The following MSMB variants were observed in gnomAD, a reference collection of about 807,000 sequenced individuals.
The protein encoded by MSMB is microseminoprotein beta.
Under a neutral mutation model 10.5 loss-of-function variants are expected in MSMB, and 10 were observed. That is an observed-to-expected ratio of 0.95 (90% CI 0.59 to 1.62). The LOEUF is 1.62. Ranked by LOEUF, MSMB falls within the 40% of genes most tolerant of loss-of-function variation. MSMB has a pLI of 0.00. For synonymous variants in MSMB, 43 were observed against 46.5 expected (o/e 0.93, Z 0.30); for missense variants, 126 against 137.4 (o/e 0.92, Z 0.42).
chr10:46,043,607 C>A (rs1177385131), intron 1 of MSMB, among the ~76,000 whole-genome samples: 2 of 152,106 alleles, frequency 1.3e-5, no homozygotes, highest in African/African-American at 4.8e-5. Context: ...GGAACAATGA[C>A]CAACCCAGTG....
intron 1 of MSMB, among the ~76,000 whole-genome samples, chr10:46,045,016 T>C (rs1013843189): frequency 6.6e-6 from 1 of 152,026 alleles, no homozygotes; most frequent in Non-Finnish European, 1.5e-5. Context: ...GAGAGCAAGT[T>C]TGTCTTGCCG....
intron 1 of MSMB, among the ~76,000 whole-genome samples, chr10:46,045,544 A>T (rs1840875805): frequency 1.3e-5 from 2 of 152,238 alleles, no homozygotes; most frequent in South Asian, 4.2e-4. Context: ...AAAACAAACA[A>T]ATAAACCAAC....
chr10:46,036,011 G>A (rs1215390594), intron 3 of MSMB, among the ~76,000 whole-genome samples: 1 of 151,996 alleles, frequency 6.6e-6, no homozygotes, highest in Non-Finnish European at 1.5e-5. Context: ...GGAAACAGCA[G>A]AGAGAGAGAG....
At chr10:46,033,579 T>C in intron 3 of MSMB, 28 bp from the exon 4 acceptor site, 1 of 1,611,118 alleles carries the variant, frequency 6.2e-7, no homozygotes, top group South Asian at 1.1e-5. Flanking sequence ...CTGGGGCCTG[T>C]TAGAAGAGAA....
At chr10:46,036,883 T>G (rs1210921911) in intron 3 of MSMB, among the ~76,000 whole-genome samples, 2 of 152,238 alleles carry the variant, frequency 1.3e-5, no homozygotes, top group African/African-American at 4.8e-5. Context: ...GTCCTTCACC[T>G]GGCTGGGATA....
At chr10:46,038,490 G>A (rs113427870) in intron 3 of MSMB, among the ~76,000 whole-genome samples, 7,326 of 151,998 alleles carry the variant, frequency 0.048, 570 homozygotes, top group African/African-American at 0.17. Context: ...GGGGTTTCAC[G>A]TGTTAGCTAG....
At chr10:46,036,822 T>C (rs1184855251) in intron 3 of MSMB, among the ~76,000 whole-genome samples, 1 of 152,120 alleles carries the variant, frequency 6.6e-6, no homozygotes, top group East Asian at 1.9e-4. Context: ...GACATGGACA[T>C]TTTAGCCACC....
intron 1 of MSMB, 52 bp downstream of exon 1, chr10:46,046,183 T>C: frequency 6.4e-7 from 1 of 1,560,358 alleles, no homozygotes; most frequent in East Asian, 2.2e-5. Flanking sequence ...AAAATAGGAA[T>C]ACATATTCTC....
chr10:46,045,966 C>T (rs781925778), intron 1 of MSMB, among the ~76,000 whole-genome samples: 7 of 152,158 alleles, frequency 4.6e-5, no homozygotes, highest in Non-Finnish European at 7.4e-5. Flanking sequence ...GAATTAGAGA[C>T]ACTTATGAAA....
intron 1 of MSMB, among the ~76,000 whole-genome samples, chr10:46,042,818 A>C (rs1840782994): frequency 6.6e-6 from 1 of 152,226 alleles, no homozygotes; most frequent in Non-Finnish European, 1.5e-5. Context: ...CTCAGAACAC[A>C]CTGAGGGTTT....
chr10:46,043,663 TTTTG>T (rs1554928939), intron 1 of MSMB, among the ~76,000 whole-genome samples: 2 of 151,964 alleles, frequency 1.3e-5, no homozygotes, highest in Non-Finnish European at 2.9e-5. Flanking sequence ...TTTTGTTTTG[TTTTG>T]TTTGTCTGTT....
Position 46,039,078 on chromosome 10 carries a change from T to G in MSMB, c.110-7A>C, listed in dbSNP as rs782724236. On this transcript the variant is annotated splice_polypyrimidine_tract_variant and splice_region_variant and intron_variant, in intron 2 of 3. Coordinates refer to ENST00000582163, the MANE Select transcript of MSMB (RefSeq NM_002443.4). ...CCTTTGAGATCCATGCATTCTAAAA[T>G]AATACACACAACATCATCAGTGCAA... The G allele has an allele frequency of 6.2e-7, 1 of 1,612,182 alleles. No homozygotes were observed. Among genetic ancestry groups the G allele is most frequent in the Admixed American group, 1.7e-5 (1 of 60,018 alleles).
Position 46,043,086 on chromosome 10 carries a change from A to C in MSMB, c.4-2995T>G, listed in dbSNP as rs181684730. On this transcript the variant is annotated intron_variant, in intron 1 of 3. Coordinates refer to ENST00000582163, the MANE Select transcript of MSMB (RefSeq NM_002443.4). ...TGTGGAAACCTAAACTTTTCCCCCCAAAAAGCCAGCCTTGTTGACAGCATT... is the reference window on the plus strand; with the variant it reads ...TGTGGAAACCTAAACTTTTCCCCCCCAAAAGCCAGCCTTGTTGACAGCATT... Among the ~76,000 whole-genome samples, 670 of 152,228 alleles carry C rather than the reference A, an allele frequency of 4.4e-3. 5 individuals carry two copies. The highest frequency in any genetic ancestry group is 0.016 in the African/African-American group (644 of 41,546).
chr10:46,039,108 T>C (rs782046072), intron 2 of MSMB, 37 bp from the exon 3 acceptor site: 59 of 1,581,464 alleles, frequency 3.7e-5, no homozygotes, highest in Non-Finnish European at 4.9e-5. Context: ...GTGCAAGTCA[T>C]GCAATGAGAA....
chr10:46,045,415 C>T (rs782433275), intron 1 of MSMB, among the ~76,000 whole-genome samples: 16 of 151,928 alleles, frequency 1.1e-4, no homozygotes, highest in Non-Finnish European at 1.2e-4. Flanking sequence ...GCCTGTGGTC[C>T]CAGCTACTTG....
chr10:46,043,435 G>GTCTCTCTCTCTCTC (rs149445497), intron 1 of MSMB, among the ~76,000 whole-genome samples: 12 of 124,376 alleles, frequency 9.6e-5, no homozygotes, highest in African/African-American at 1.8e-4. Flanking sequence ...CTCCCTTTCT[G>GTCTCTCTCTCTCTC]TCTCTCTCTC....
At chr10:46,044,257 G>GAAGCAGGCTGGCAGT (rs1840827958) in intron 1 of MSMB, among the ~76,000 whole-genome samples, 1 of 152,054 alleles carries the variant, frequency 6.6e-6, no homozygotes, top group Non-Finnish European at 1.5e-5. Flanking sequence ...GCCTTGAGGT[G>GAAGCAGGCTGGCAGT]AAGCAGGCTG....
At chr10:46,035,527 T>C (rs1332254927) in intron 3 of MSMB, among the ~76,000 whole-genome samples, 2 of 152,198 alleles carry the variant, frequency 1.3e-5, no homozygotes, top group Non-Finnish European at 2.9e-5. Context: ...CTTGACAACA[T>C]GCTGAGTGAA....
chr10:46,036,698 G>C (rs1171184308), intron 3 of MSMB, among the ~76,000 whole-genome samples: 1 of 152,200 alleles, frequency 6.6e-6, no homozygotes, highest in Non-Finnish European at 1.5e-5. Context: ...CCAACAGTGA[G>C]GTTCTTCCCT....
Sources: allele counts gnomAD v4.1 joint callset (sites outside exome capture counted in the v4.1 genomes callset), GRCh38; gene constraint gnomAD v4.1.1; transcripts MANE v1.5; gene names NCBI Gene and HGNC (gene_info 2026-07-23, HGNC 2026-07-21).